The following DDHD2 variants were observed in gnomAD, a reference collection of about 807,000 sequenced individuals.
DDHD2 encodes the protein DDHD domain containing 2, also known as triacylglycerol hydrolase DDHD2.
DDHD2 carries 62 observed loss-of-function variants against 91.2 expected under a neutral mutation model. The observed-to-expected ratio is 0.68, with a 90% CI of 0.55 to 0.84. The LOEUF is 0.84. Ranked by LOEUF, DDHD2 falls within the 40% of genes least tolerant of loss-of-function variation. DDHD2 has a pLI of 0.00. For missense variants in DDHD2, 740 were observed against 846.9 expected (o/e 0.87, Z 1.57); for synonymous variants, 271 against 293.9 (o/e 0.92, Z 0.80).
At chr8:38,254,412 G>T (rs1442204556) in intron 16 of DDHD2, among the ~76,000 whole-genome samples, 1 of 151,992 alleles carries the variant, frequency 6.6e-6, no homozygotes, top group Non-Finnish European at 1.5e-5. Flanking sequence ...ACAGGGTCTT[G>T]CTGTGTCACC....
chr8:38,250,561 A>G (rs1476156165), intron 11 of DDHD2: 1 of 151,950 alleles, frequency 6.6e-6, no homozygotes, highest in Non-Finnish European at 1.5e-5. Flanking sequence ...CTTTTTTTAC[A>G]TCCTTAAAAG....
chr8:38,251,896 A>C lies in DDHD2; in HGVS notation c.1345-16A>C. On this transcript the variant is annotated splice_polypyrimidine_tract_variant and intron_variant, in intron 11 of 17. Coordinates refer to ENST00000397166, the MANE Select transcript of DDHD2 (RefSeq NM_015214.3). Reference sequence around the variant, plus strand: ...TCATGCCCAGCTTCTCCACATAACTATTTTTTATTCTTTAGGGTATTAAGA... The same window carrying C: ...TCATGCCCAGCTTCTCCACATAACTCTTTTTTATTCTTTAGGGTATTAAGA... 6.3e-7 allele frequency: 1 copy of C among 1,595,910 alleles called. No homozygotes were observed. The highest frequency in any genetic ancestry group is 1.7e-5 in the Admixed American group (1 of 59,882).
At chr8:38,268,201 A>G in intron 1 of DDHD2, 1 of 1,092,404 alleles carries the variant, frequency 9.2e-7, no homozygotes, top group Admixed American at 2.8e-5. Flanking sequence ...CCTGCCGTGT[A>G]GCCTGCGTAA....
intron 9 of DDHD2, chr8:38,247,155 C>T (rs1475300403): frequency 1.4e-4 from 18 of 132,996 alleles, no homozygotes; most frequent in African/African-American, 4.8e-4. Context: ...TTTTTTGAGA[C>T]AGTCTCTTGC....
chr8:38,245,632 A>G, intron 7 of DDHD2, 110 bp from the exon 8 acceptor site: 1 of 1,017,398 alleles, frequency 9.8e-7, no homozygotes. Flanking sequence ...GTTTTTTCCT[A>G]TAAATCGACA....
chr8:38,268,194 G>T, intron 1 of DDHD2: 1 of 1,115,910 alleles, frequency 9.0e-7, no homozygotes, highest in Non-Finnish European at 1.2e-6. Flanking sequence ...AGGGCTGCCT[G>T]CCGTGTAGCC....
chr8:38,253,434 G>T, intron 15 of DDHD2, 122 bp from the exon 16 acceptor site: 1 of 879,930 alleles, frequency 1.1e-6, no homozygotes, highest in South Asian at 1.8e-5. Flanking sequence ...GAAGATGGGA[G>T]AGAGCTCTCT....
Position 38,260,022 on chromosome 8 carries a change from A to G in DDHD2, c.2055-18A>G. ...AAGTGTTAGTTCCTTTTCTCAACAT[A>G]ATTTTTTCTCTTTATAGGGAGTCTG... On this transcript the variant is annotated intron_variant, in intron 16 of 17. Coordinates refer to ENST00000397166, the MANE Select transcript of DDHD2 (RefSeq NM_015214.3). 1 of 1,553,108 alleles carries G rather than the reference A, an allele frequency of 6.4e-7. No homozygotes were observed. Among genetic ancestry groups the G allele is most frequent in the African/African-American group, 1.4e-5 (1 of 73,662 alleles).
At chr8:38,268,780 G>A in intron 1 of DDHD2, 9 of 1,441,338 alleles carry the variant, frequency 6.2e-6, no homozygotes, top group Admixed American at 3.0e-5. Flanking sequence ...AGCGGAGTGG[G>A]CAGTGGGTCC....
In DDHD2 at chr8:38,232,992, G is replaced by T; in HGVS notation, c.-3G>T. ...TAGTTTTCTTTTGTCTTTAGAGAGC[G>T]AAATGTCATCAGTGCAGTCACAACA... On this transcript the variant is annotated 5_prime_UTR_variant, in exon 2 of 18. Transcript: ENST00000397166. The T allele has an allele frequency of 6.2e-7, 1 of 1,613,284 alleles. No homozygotes were observed. The highest frequency in any genetic ancestry group is 1.1e-5 in the South Asian group (1 of 90,872).
intron 6 of DDHD2, 60 bp downstream of exon 6, chr8:38,240,424 C>A: frequency 1.6e-6 from 2 of 1,265,490 alleles, no homozygotes; most frequent in Non-Finnish European, 2.3e-6. Flanking sequence ...TGAGATAAAG[C>A]CTTGTCTTTG....
downstream of DDHD2, chr8:38,272,898 G>A (rs3802320): frequency 4.3e-4 from 65 of 152,302 alleles, 2 homozygotes; most frequent in East Asian, 0.011. Flanking sequence ...TCTATAATCT[G>A]CAACTTAAAA....
chr8:38,244,550 C>T (rs569888174), intron 7 of DDHD2, among the ~76,000 whole-genome samples: 2 of 150,988 alleles, frequency 1.3e-5, no homozygotes, highest in East Asian at 2.0e-4. Flanking sequence ...GCCACTGCGC[C>T]GGCCTGAACA....
downstream of DDHD2, chr8:38,265,039 C>T: frequency 1.2e-6 from 1 of 863,014 alleles, no homozygotes; most frequent in Non-Finnish European, 2.0e-6. Flanking sequence ...GAGGACCAGG[C>T]AGATGGATCC....
At chr8:38,242,476 C>G in intron 7 of DDHD2, 91 bp downstream of exon 7, 1 of 1,341,108 alleles carries the variant, frequency 7.5e-7, no homozygotes, top group African/African-American at 1.5e-5. Context: ...CTATAGCTGA[C>G]TGAATATTTA....
At position 38,252,714 on chromosome 8, in the gene DDHD2, C is replaced by T; in HGVS notation, c.1618-8C>T. On this transcript the variant is annotated splice_polypyrimidine_tract_variant and splice_region_variant and intron_variant, in intron 13 of 17. Coordinates refer to ENST00000397166, the MANE Select transcript of DDHD2 (RefSeq NM_015214.3). ...GAGGTAAATGTAGCTCTTGTTTTTCCTATGTAGTTTGATCCTGTGGCCTAT... is the reference window on the plus strand; with the variant it reads ...GAGGTAAATGTAGCTCTTGTTTTTCTTATGTAGTTTGATCCTGTGGCCTAT... 3 of 1,604,388 alleles carry T rather than the reference C, an allele frequency of 1.9e-6. No homozygotes were observed. The highest frequency in any genetic ancestry group is 2.6e-6 in the Non-Finnish European group (3 of 1,172,152).
At chr8:38,252,325 T>A in intron 13 of DDHD2, 38 bp downstream of exon 13, 1 of 1,566,002 alleles carries the variant, frequency 6.4e-7, no homozygotes, top group Non-Finnish European at 8.6e-7. Flanking sequence ...TACCTAAATA[T>A]CAGGGCTTAT....
At chr8:38,249,188 C>T (rs994678693) in intron 10 of DDHD2, among the ~76,000 whole-genome samples, 1 of 151,804 alleles carries the variant, frequency 6.6e-6, no homozygotes, top group Admixed American at 6.6e-5. Context: ...TCTCGGCTCA[C>T]TGCAAGCTCT....
intron 1 of DDHD2, chr8:38,268,869 T>C: frequency 5.2e-6 from 8 of 1,544,258 alleles, no homozygotes; most frequent in South Asian, 1.2e-5. Context: ...AAAGACGATC[T>C]TTCTCCACGC....
Sources: allele counts gnomAD v4.1 joint callset (sites outside exome capture counted in the v4.1 genomes callset), GRCh38; gene constraint gnomAD v4.1.1; transcripts MANE v1.5; gene names NCBI Gene and HGNC (gene_info 2026-07-23, HGNC 2026-07-21).